SRCIN1: variants seen among roughly 807,000 people sequenced by gnomAD.
SRCIN1 encodes P130Cas-associated protein.
Under a neutral mutation model 116.2 loss-of-function variants are expected in SRCIN1, and 50 were observed. That is an observed-to-expected ratio of 0.43 (90% CI 0.34 to 0.54). The LOEUF (loss-of-function observed/expected upper bound fraction) is 0.54. Ranked by LOEUF, SRCIN1 falls within the 20% of genes least tolerant of loss-of-function variation. The pLI is 0.02. For synonymous variants in SRCIN1, 736 were observed against 750.0 expected (o/e 0.98, Z 0.30); for missense variants, 1,446 against 1,672.0 (o/e 0.86, Z 2.36).
chr17:38,583,548 G>GTTTTT lies in SRCIN1; in HGVS notation c.23-4762_23-4758dup, dbSNP rs10691272. ...GGTTGTTTTCTTTTTTTCATTTTCT[G>GTTTTT]TTTTTTTTTTTTTTTTTTTTTTGAG... On this transcript the variant is annotated intron_variant, in intron 1 of 18. Coordinates refer to ENST00000617146, the MANE Select transcript of SRCIN1 (RefSeq NM_025248.3). 8.1e-3 allele frequency among the ~76,000 whole-genome samples: 844 copies of GTTTTT among 104,112 alleles called. 24 individuals carry two copies. The highest frequency in any genetic ancestry group is 0.03 in the African/African-American group (786 of 25,942). The allele number at this position is 104,112 out of a possible 152,430, so 68.3% of individuals were successfully genotyped here.
At position 38,563,094 on chromosome 17, in the gene SRCIN1, G is replaced by T. The variant is rs1369255371; in HGVS notation, c.741-174C>A. Reference sequence around the variant, plus strand: ...CACCCCGGCCTCTTCCTGGCCTCCGGCGCCATTTTCAGGTTAGCTCAAAGC... The same window carrying T: ...CACCCCGGCCTCTTCCTGGCCTCCGTCGCCATTTTCAGGTTAGCTCAAAGC... On this transcript the variant is annotated intron_variant, in intron 5 of 18. Transcript: ENST00000617146. This position sits in a 1 kb window ranked among gnomAD's most constrained non-coding sequence, Gnocchi z 5.8. Among the ~76,000 whole-genome samples the T allele has an allele frequency of 6.6e-6, 1 of 152,190 alleles. No homozygotes were observed. The highest frequency in any genetic ancestry group is 1.5e-5 in the Non-Finnish European group (1 of 68,034).
chr17:38,600,042 A>C (rs901672229), intron 1 of SRCIN1, among the ~76,000 whole-genome samples: 2 of 152,136 alleles, frequency 1.3e-5, no homozygotes, highest in African/African-American at 2.4e-5. Context: ...GGATGTTTTC[A>C]TCTGTTGTTT....
In SRCIN1 at chr17:38,558,385, C is replaced by G. The variant is rs201182572; in HGVS notation, c.2043G>C (p.Ser681=). 6.8e-4 allele frequency: 1,089 copies of G among 1,603,188 alleles called. 3 individuals carry two copies. The African/African-American group carries it at 0.013, about 19-fold the overall frequency. ...CCGTGCGCTTCAGCAGCGCGCGCAC[C>G]GACTCCTGGTTCTGTAGCTGCGGGA... ...LRKLQLQNQE[S]VRALLKRTEA... Residue 681 remains serine (S), a synonymous_variant, in exon 11 of 19, where the codon TCG becomes TCC. Coordinates refer to ENST00000617146, the MANE Select transcript of SRCIN1 (RefSeq NM_025248.3). The surrounding 1 kb of genome is among the most constrained non-coding windows in gnomAD (Gnocchi z 4.6).
At position 38,552,476 on chromosome 17, in the gene SRCIN1, C is replaced by T. The variant is rs1446413971; in HGVS notation, c.2451G>A (p.Gly817=). The change falls in exon 13 of 19, where the codon GGG becomes GGA. Residue 817 remains glycine (G), a synonymous_variant. Transcript: ENST00000617146. The surrounding 1 kb of genome is among the most constrained non-coding windows in gnomAD (Gnocchi z 5.3). ...RLDGLLKRCR[G]VTDTLAQIRR... The stretch of plus-strand genomic sequence containing the variant: ...GGATCTGGGCCAGCGTGTCCGTGAC[C>T]CCGCGGCAGCGCTTGAGGAGCCCAT... The T allele has an allele frequency of 6.2e-7, 1 of 1,602,942 alleles. No homozygotes were observed. Among genetic ancestry groups the T allele is most frequent in the Middle Eastern group, 1.7e-4 (1 of 6,028 alleles).
chr17:38,550,458 C>T (rs1597891313), intron 15 of SRCIN1, among the ~76,000 whole-genome samples: 1 of 152,108 alleles, frequency 6.6e-6, no homozygotes, highest in East Asian at 1.9e-4. Flanking sequence ...AGCGCCACTG[C>T]ACTCCAGCCT....
At chr17:38,565,434 T>A (rs1436618160) in intron 3 of SRCIN1, among the ~76,000 whole-genome samples, 1 of 152,246 alleles carries the variant, frequency 6.6e-6, no homozygotes, top group Admixed American at 6.5e-5. Context: ...AAATTGTCTA[T>A]TTTTAACAAC....
chr17:38,559,801 G>A, intron 9 of SRCIN1, 29 bp from the exon 10 acceptor site: 2 of 1,475,544 alleles, frequency 1.4e-6, no homozygotes, highest in South Asian at 2.7e-5. Context: ...ATGGGAGAAA[G>A]TGAACAAACT....
At chr17:38,549,897 G>A (rs186652923) in intron 15 of SRCIN1, among the ~76,000 whole-genome samples, 133 of 152,242 alleles carry the variant, frequency 8.7e-4, no homozygotes, top group Admixed American at 3.7e-3. Flanking sequence ...ACCTTCAGGC[G>A]TTTGCACACG....
chr17:38,556,782 T>C (rs1254872483), intron 11 of SRCIN1, among the ~76,000 whole-genome samples: 1 of 152,232 alleles, frequency 6.6e-6, no homozygotes, highest in Non-Finnish European at 1.5e-5. Flanking sequence ...GGAGTCTGTG[T>C]TCCTGGAGAA....
intron 11 of SRCIN1, among the ~76,000 whole-genome samples, chr17:38,555,886 G>A (rs142877760): frequency 6.6e-6 from 1 of 152,216 alleles, no homozygotes; most frequent in Non-Finnish European, 1.5e-5. Flanking sequence ...CTCAGAGGGG[G>A]AAGAGACTCT....
intron 11 of SRCIN1, among the ~76,000 whole-genome samples, chr17:38,555,012 A>G (rs1244607889): frequency 1.3e-5 from 2 of 152,240 alleles, no homozygotes; most frequent in African/African-American, 4.8e-5. Context: ...AGTCAAGGGC[A>G]AAAGCTTGTG....
Position 38,562,898 on chromosome 17 carries a change from T to C in SRCIN1, c.763A>G (p.Ile255Val). ...AGGGGCTCCTTTCTGTAGATCTTGA[T>C]AATACTGCGGTCCTGGATGTCCCTG... ...DVRDIQDRSIIKIYRKEPLYA... is the reference protein window; with the variant it reads ...DVRDIQDRSIVKIYRKEPLYA... The change falls in exon 6 of 19, where the codon ATC becomes GTC. Residue 255 changes from isoleucine to valine, a missense_variant. By Grantham distance (29) the Ile-to-Val change is conservative (BLOSUM62 3). Around this residue, in one of 5 missense-constraint regions of SRCIN1, gnomAD observed 239 missense variants for 317.7 expected, o/e 0.75. Coordinates refer to ENST00000617146, the MANE Select transcript of SRCIN1 (RefSeq NM_025248.3). This position sits in a 1 kb window ranked among gnomAD's most constrained non-coding sequence, Gnocchi z 4.2. 1 of 1,613,788 alleles carries C rather than the reference T, an allele frequency of 6.2e-7. No individual in the cohort carries two copies. The highest frequency in any genetic ancestry group is 8.5e-7 in the Non-Finnish European group (1 of 1,179,830).
In SRCIN1 at chr17:38,533,800, A is replaced by G. The variant is rs1260555932; in HGVS notation, c.3418-369T>C. On this transcript the variant is annotated intron_variant, in intron 18 of 18. Transcript: ENST00000617146. Reference sequence around the variant, plus strand: ...GGAGGGGAGGAAGAAGTGAAACATTAGCTGGGACAGGGGCACAAGCCCTGC... The same window carrying G: ...GGAGGGGAGGAAGAAGTGAAACATTGGCTGGGACAGGGGCACAAGCCCTGC... Among the ~76,000 whole-genome samples the G allele has an allele frequency of 2.1e-5, 3 of 142,960 alleles. No individual in the cohort carries two copies. The East Asian group carries it at 6.5e-4, about 31-fold the overall frequency. The allele number at this position is 142,960 out of a possible 152,430, so 93.8% of individuals were successfully genotyped here. A position where few individuals can be genotyped will look rare whatever the true frequency, so the allele number is the denominator to read the frequency against.
At position 38,544,301 on chromosome 17, in the gene SRCIN1, AC is replaced by A. The variant is rs1179242700; in HGVS notation, c.3271-333del. 6.6e-6 allele frequency among the ~76,000 whole-genome samples: 1 copy of A among 151,736 alleles called. No homozygotes were observed. The highest frequency in any genetic ancestry group is 1.5e-5 in the Non-Finnish European group (1 of 67,900). ...GCTAAAGTGAGGGTCCCCAGCAGCAACCCCACTCCCGGCAAGGGGCACCATC... is the reference window on the plus strand; with the variant it reads ...GCTAAAGTGAGGGTCCCCAGCAGCAACCCACTCCCGGCAAGGGGCACCATC... On this transcript the variant is annotated intron_variant, in intron 17 of 18. Transcript: ENST00000617146. This position sits in a 1 kb window ranked among gnomAD's most constrained non-coding sequence, Gnocchi z 4.5.
At chr17:38,569,235 G>A (rs1906917081) in intron 2 of SRCIN1, among the ~76,000 whole-genome samples, 1 of 152,212 alleles carries the variant, frequency 6.6e-6, no homozygotes, top group African/African-American at 2.4e-5. Context: ...GGCCCTTCCA[G>A]ATGGCTTAGT....
intron 7 of SRCIN1, among the ~76,000 whole-genome samples, chr17:38,561,189 G>A (rs887757543): frequency 6.6e-6 from 1 of 152,202 alleles, no homozygotes; most frequent in Non-Finnish European, 1.5e-5. Flanking sequence ...CTTAGAAAAT[G>A]GATGCAAACC....
chr17:38,548,568 C>A lies in SRCIN1; in HGVS notation c.3259G>T (p.Ala1087Ser). 1.2e-6 allele frequency: 2 copies of A among 1,611,632 alleles called. No individual in the cohort carries two copies. Among genetic ancestry groups the A allele is most frequent in the Non-Finnish European group, 1.7e-6 (2 of 1,179,772 alleles). The change falls in exon 17 of 19, where the codon GCA becomes TCA. Residue 1087 changes from alanine (A) to serine (S), a missense_variant. Physicochemically the swap from Ala to Ser is moderately conservative, Grantham distance 99. This residue lies in a region of SRCIN1 where 531 missense variants were observed against 633.9 expected (regional missense o/e 0.84). Transcript: ENST00000617146. ...KDEDDEDRII[A>S]ELESGGGSVP... ...GTGCCCTGACCTACCTCTAGCTCTG[C>A]GATGATGCGATCCTCGTCATCCTCG...
intron 7 of SRCIN1, among the ~76,000 whole-genome samples, chr17:38,560,767 G>T (rs1245346187): frequency 6.6e-6 from 1 of 152,204 alleles, no homozygotes; most frequent in African/African-American, 2.4e-5. Context: ...GTGGAGGTAT[G>T]CTGAGTGTCT....
At chr17:38,550,946 C>T (rs1905354249) in intron 15 of SRCIN1, among the ~76,000 whole-genome samples, 1 of 152,266 alleles carries the variant, frequency 6.6e-6, no homozygotes, top group Non-Finnish European at 1.5e-5. Flanking sequence ...CTTCCCAGGA[C>T]AGTGGGAAAT....
Sources: gnomAD v4.1 joint callset for allele counts (sites outside exome capture counted in the v4.1 genomes callset) on GRCh38, gnomAD v4.1.1 for gene constraint, gnomAD v4.1.1 regional missense constraint, Gnocchi (gnomAD v3.1) non-coding constraint, MANE v1.5 for transcripts, NCBI Gene and HGNC (gene_info 2026-07-23, HGNC 2026-07-21) for gene names.